Variants in ZMAT1 observed in about 807,000 individuals in gnomAD.
ZMAT1 encodes the protein zinc finger matrin-type protein 1.
In ZMAT1, 11 loss-of-function variants were observed where a neutral mutation model predicts 18.5. The observed-to-expected ratio is 0.59, with a 90% CI of 0.37 to 0.98. ZMAT1 has a LOEUF of 0.98. ZMAT1 is among the 50% of genes least tolerant of loss of function. The probability of loss-of-function intolerance (pLI) is 0.01; values close to 1 mark genes in which losing one functional copy is unlikely to be tolerated. For synonymous variants in ZMAT1, 211 were observed against 176.4 expected (o/e 1.20, Z -1.55); for missense variants, 525 against 496.2 (o/e 1.06, Z -0.55).
At chrX:101,910,464 CAT>C (rs1294354923) in intron 1 of ZMAT1, among the ~76,000 whole-genome samples, 4 of 112,716 alleles carry the variant, frequency 3.5e-5, no homozygotes, top group South Asian at 3.6e-4. Flanking sequence ...GAAACAGAAA[CAT>C]GTGGACTTTC....
At chrX:101,920,125 C>G (rs995703080) in intron 1 of ZMAT1, among the ~76,000 whole-genome samples, 27 of 108,603 alleles carry the variant, frequency 2.5e-4, no homozygotes, top group African/African-American at 9.1e-4. Flanking sequence ...CTGCAGCCTC[C>G]CCCTCCTGGG....
At chrX:101,887,025 T>A in intron 4 of ZMAT1, 1 of 173,223 alleles carries the variant, frequency 5.8e-6, no homozygotes, top group African/African-American at 3.0e-5. Context: ...TACTTACTGT[T>A]GCTACATGGA....
At chrX:101,928,593 G>C (rs924595747) in intron 1 of ZMAT1, among the ~76,000 whole-genome samples, 13 of 112,472 alleles carry the variant, frequency 1.2e-4, no homozygotes, top group South Asian at 3.6e-4. Flanking sequence ...TCCTGACCTC[G>C]CGATCTGCCC....
At position 101,931,920 on chromosome X, in the gene ZMAT1, TAGG is replaced by T; in HGVS notation, c.86_88del (p.Ser29del). 28 of 788,574 alleles carry T rather than the reference TAGG, an allele frequency of 3.6e-5. No individual in the cohort carries two copies. The highest frequency in any genetic ancestry group is 1.5e-4 in the South Asian group (3 of 19,645). 65.0% of individuals were successfully genotyped at this position (788,574 alleles called of 1,213,427 possible). A position where few individuals can be genotyped will look rare whatever the true frequency, so the allele number is the denominator to read the frequency against. ...CGCCGCCGCTGCCGCGCAGGCGGTGTAGGAGGAGGAGGAGGCGGCAGAGACGGT... is the reference window on the plus strand; with the variant it reads ...CGCCGCCGCTGCCGCGCAGGCGGTGTAGGAGGAGGAGGCGGCAGAGACGGT... On this transcript the variant is annotated inframe_deletion, in exon 1 of 6. Transcript: ENST00000651725.
chrX:101,904,599 T>C (rs979532304), intron 1 of ZMAT1, among the ~76,000 whole-genome samples: 2 of 110,811 alleles, frequency 1.8e-5, no homozygotes, highest in African/African-American at 6.6e-5. Context: ...AGTAACTTCA[T>C]GAGCTTCATG....
At chrX:101,913,020 G>GA (rs901304624) in intron 1 of ZMAT1, among the ~76,000 whole-genome samples, 2 of 109,626 alleles carry the variant, frequency 1.8e-5, no homozygotes, top group South Asian at 3.8e-4. Flanking sequence ...ATTCATGTTA[G>GA]AAAAAAAAAG....
chrX:101,908,552 C>A (rs1195949902), intron 1 of ZMAT1, among the ~76,000 whole-genome samples: 1 of 111,613 alleles, frequency 9.0e-6, no homozygotes, highest in South Asian at 3.7e-4. Flanking sequence ...ACCCCTCCCC[C>A]ATCCCTGCAG....
At chrX:101,908,907 G>A (rs1340211348) in intron 1 of ZMAT1, among the ~76,000 whole-genome samples, 1 of 110,643 alleles carries the variant, frequency 9.0e-6, no homozygotes, top group Non-Finnish European at 1.9e-5. Flanking sequence ...AGGGGGCAGG[G>A]CACATGACAT....
intron 1 of ZMAT1, among the ~76,000 whole-genome samples, chrX:101,916,415 A>T (rs964497059): frequency 3.2e-4 from 36 of 112,164 alleles, no homozygotes; most frequent in South Asian, 2.2e-3. Flanking sequence ...TAAAAAATTT[A>T]AAAAATAATC....
rs955068488 is a variant in ZMAT1, at chrX:101,916,196, C to T, written c.293-11866G>A. Among the ~76,000 whole-genome samples the T allele has an allele frequency of 1.3e-4, 14 of 108,259 alleles. 3 individuals are homozygous for T. The highest frequency in any genetic ancestry group is 4.0e-4 in the Admixed American group (4 of 10,019). 94.0% of individuals were successfully genotyped at this position (108,259 alleles called of 115,157 possible). Reference sequence around the variant, plus strand: ...ATAAGTGGGAGTTGAATAATGAGAACACACGGACACAGTGAGGGGAATAAC... The same window carrying T: ...ATAAGTGGGAGTTGAATAATGAGAATACACGGACACAGTGAGGGGAATAAC... On this transcript the variant is annotated intron_variant, in intron 1 of 5. Transcript: ENST00000651725.
intron 2 of ZMAT1, among the ~76,000 whole-genome samples, chrX:101,902,999 T>A (rs1045919757): frequency 8.9e-6 from 1 of 111,734 alleles, no homozygotes; most frequent in Non-Finnish European, 1.9e-5. Flanking sequence ...CTACAAGTGA[T>A]AGAATTATAA....
chrX:101,931,839 G>A lies in ZMAT1; in HGVS notation c.170C>T (p.Ala57Val). 2 of 787,490 alleles carry A rather than the reference G, an allele frequency of 2.5e-6. No homozygotes were observed. The highest frequency in any genetic ancestry group is 5.0e-5 in the South Asian group (1 of 19,894). The allele number at this position is 787,490 out of a possible 1,213,427, so 64.9% of individuals were successfully genotyped here. Residue 57 changes from alanine (A) to valine (V), a missense_variant, in exon 1 of 6, where the codon GCC becomes GTC. By Grantham distance (64) the Ala-to-Val change is moderately conservative. Coordinates refer to ENST00000651725, the MANE Select transcript of ZMAT1 (RefSeq NM_001394560.1). ...VPASSATSAP[A>V]CPPAGGCGDG... ...GCCACAGCCACCGGCAGGCGGGCAGGCAGGGGCGGAGGTGGCGGAGGAGGC... is the reference window on the plus strand; with the variant it reads ...GCCACAGCCACCGGCAGGCGGGCAGACAGGGGCGGAGGTGGCGGAGGAGGC...
intron 1 of ZMAT1, among the ~76,000 whole-genome samples, chrX:101,929,605 G>A (rs1191287356): frequency 9.2e-6 from 1 of 109,247 alleles, no homozygotes; most frequent in Non-Finnish European, 1.9e-5. Flanking sequence ...AATAGTGAAT[G>A]AAGGATATAT....
chrX:101,892,123 C>T (rs1001678820), intron 4 of ZMAT1, among the ~76,000 whole-genome samples: 2 of 110,452 alleles, frequency 1.8e-5, no homozygotes, highest in Non-Finnish European at 1.9e-5. Context: ...TTAAAATTGT[C>T]GCTAAGGGGA....
intron 2 of ZMAT1, among the ~76,000 whole-genome samples, chrX:101,900,660 T>C (rs932693622): frequency 3.6e-5 from 4 of 112,028 alleles, no homozygotes; most frequent in Non-Finnish European, 3.8e-5. Flanking sequence ...CATTGGTCTA[T>C]GTGCCTATTT....
chrX:101,907,713 G>A (rs1055420313), intron 1 of ZMAT1, among the ~76,000 whole-genome samples: 49 of 111,814 alleles, frequency 4.4e-4, no homozygotes, highest in African/African-American at 1.6e-3. Flanking sequence ...ATTTAACAGA[G>A]GGACTGAAAT....
At chrX:101,892,678 T>C (rs1927503530) in intron 4 of ZMAT1, 4 of 715,438 alleles carry the variant, frequency 5.6e-6, no homozygotes, top group Non-Finnish European at 6.6e-6. Context: ...ACAAAACAAA[T>C]ATAATAAATA....
At chrX:101,921,227 C>A (rs1345415952) in intron 1 of ZMAT1, among the ~76,000 whole-genome samples, 2 of 111,321 alleles carry the variant, frequency 1.8e-5, no homozygotes, top group Non-Finnish European at 3.8e-5. Context: ...TTAAAACATA[C>A]CAGTGCCCAG....
Position 101,917,101 on chromosome X carries a change from G to T in ZMAT1, c.293-12771C>A, listed in dbSNP as rs1486029756. Reference sequence around the variant, plus strand: ...TAAAATTACTACAAGAAAACATTGAGGAAAATCTCCAGGACACTGGTCTTG... The same window carrying T: ...TAAAATTACTACAAGAAAACATTGATGAAAATCTCCAGGACACTGGTCTTG... On this transcript the variant is annotated intron_variant, in intron 1 of 5. Coordinates refer to ENST00000651725, the MANE Select transcript of ZMAT1 (RefSeq NM_001394560.1). Among the ~76,000 whole-genome samples the T allele has an allele frequency of 1.8e-5, 2 of 111,853 alleles. 1 individual carries two copies. The highest frequency in any genetic ancestry group is 7.4e-4 in the South Asian group (2 of 2,705).
Sources: gnomAD v4.1 joint callset for allele counts (sites outside exome capture counted in the v4.1 genomes callset) on GRCh38, gnomAD v4.1.1 for gene constraint, MANE v1.5 for transcripts, NCBI Gene and HGNC (gene_info 2026-07-23, HGNC 2026-07-21) for gene names.